Variants in TFCP2L1 observed in about 807,000 individuals in gnomAD.
The protein encoded by TFCP2L1 is transcription factor CP2 like 1.
Under a neutral mutation model 72.2 loss-of-function variants are expected in TFCP2L1, and 12 were observed. That is an observed-to-expected ratio of 0.17 (90% CI 0.11 to 0.27). TFCP2L1 has a LOEUF of 0.27. TFCP2L1 is among the 10% of genes least tolerant of loss of function. The pLI, the probability that TFCP2L1 is intolerant of heterozygous loss-of-function variation, is 1.00. For synonymous variants in TFCP2L1, 260 were observed against 251.0 expected (o/e 1.04, Z -0.34); for missense variants, 488 against 624.6 (o/e 0.78, Z 2.33).
chr2:121,251,413 T>G (rs555601594), intron 2 of TFCP2L1, among the ~76,000 whole-genome samples: 1 of 152,230 alleles, frequency 6.6e-6, no homozygotes, highest in African/African-American at 2.4e-5. Flanking sequence ...TCTGTAGGCT[T>G]GTATGTGTAT....
At chr2:121,245,298 G>A (rs574995411) in intron 6 of TFCP2L1, among the ~76,000 whole-genome samples, 3 of 152,296 alleles carry the variant, frequency 2.0e-5, no homozygotes, top group Admixed American at 6.5e-5. Flanking sequence ...CCAGAGCCTC[G>A]GGAAAGGAAC....
intron 12 of TFCP2L1, among the ~76,000 whole-genome samples, chr2:121,232,220 C>G (rs1042481436): frequency 6.6e-6 from 1 of 152,150 alleles, no homozygotes; most frequent in Admixed American, 6.5e-5. Flanking sequence ...CTCACTGCAA[C>G]CTCCATCTCC....
At chr2:121,282,493 C>A (rs1195364144) in intron 1 of TFCP2L1, among the ~76,000 whole-genome samples, 2 of 147,792 alleles carry the variant, frequency 1.4e-5, no homozygotes, top group Non-Finnish European at 3.0e-5. Context: ...TCAGCCTGGG[C>A]ACCATAGTGA....
rs372521824 is a variant in TFCP2L1, at chr2:121,225,513, C to T, written c.1393+49G>A. 1.4e-5 allele frequency: 22 copies of T among 1,582,400 alleles called. No homozygotes were observed. In the African/African-American group the frequency reaches 2.8e-4, roughly 20 times the overall value. On this transcript the variant is annotated intron_variant, in intron 14 of 14. Transcript: ENST00000263707. ...GGGCCCATCCTGCAGGCAGGCCCCA[C>T]CCTCTCACCTGCCCCCACAACTACC...
intron 13 of TFCP2L1, among the ~76,000 whole-genome samples, chr2:121,228,064 C>G (rs1686066920): frequency 6.6e-6 from 1 of 152,240 alleles, no homozygotes; most frequent in South Asian, 2.1e-4. Flanking sequence ...GGCCAGGCTG[C>G]CTCCAGCACT....
chr2:121,242,494 T>C, intron 6 of TFCP2L1, 25 bp from the exon 7 acceptor site: 2 of 1,611,404 alleles, frequency 1.2e-6, no homozygotes, highest in Non-Finnish European at 1.7e-6. Context: ...CAGAGTCCAA[T>C]CAGCCCAAAA....
At chr2:121,266,526 T>C (rs1255045360) in intron 2 of TFCP2L1, among the ~76,000 whole-genome samples, 1 of 152,222 alleles carries the variant, frequency 6.6e-6, no homozygotes, top group Non-Finnish European at 1.5e-5. Context: ...CTGCTTGGTT[T>C]AGAGGCAGAC....
intron 13 of TFCP2L1, among the ~76,000 whole-genome samples, chr2:121,225,878 G>A (rs542955763): frequency 2.0e-5 from 3 of 149,960 alleles, no homozygotes; most frequent in African/African-American, 7.5e-5. Flanking sequence ...AGGGAACACG[G>A]TAAACACCAC....
chr2:121,232,207 C>T lies in TFCP2L1; in HGVS notation c.1199-239G>A, dbSNP rs12987516. ...AAGCTGGAGTGCAGCAGCGTGATCT[C>T]GGCTCACTGCAACCTCCATCTCCTA... On this transcript the variant is annotated intron_variant, in intron 12 of 14. Transcript: ENST00000263707. 8.8e-3 allele frequency among the ~76,000 whole-genome samples: 1,335 copies of T among 152,046 alleles called. 11 individuals carry two copies. The highest frequency in any genetic ancestry group is 0.017 in the Middle Eastern group (5 of 294).
intron 11 of TFCP2L1, 26 bp downstream of exon 11, chr2:121,235,195 G>A: frequency 6.2e-7 from 1 of 1,613,330 alleles, no homozygotes; most frequent in East Asian, 2.2e-5. Context: ...GCCTCTGGCT[G>A]GCTTCACAGA....
At chr2:121,262,029 C>CT (rs1686837282) in intron 2 of TFCP2L1, among the ~76,000 whole-genome samples, 1 of 152,180 alleles carries the variant, frequency 6.6e-6, no homozygotes, top group African/African-American at 2.4e-5. Flanking sequence ...CAAAATCAAG[C>CT]TTTTGGCCAG....
intron 7 of TFCP2L1, among the ~76,000 whole-genome samples, chr2:121,241,919 T>C (rs995204778): frequency 6.6e-6 from 1 of 151,932 alleles, no homozygotes; most frequent in Non-Finnish European, 1.5e-5. Context: ...GGGGCAAACG[T>C]GTCTACACTG....
intron 2 of TFCP2L1, among the ~76,000 whole-genome samples, chr2:121,254,631 C>G (rs992149386): frequency 6.6e-6 from 1 of 152,114 alleles, no homozygotes; most frequent in Non-Finnish European, 1.5e-5. Flanking sequence ...AACCCTGTCT[C>G]TACTAAAAAC....
chr2:121,241,217 G>A (rs1242027745), intron 7 of TFCP2L1, among the ~76,000 whole-genome samples: 1 of 152,254 alleles, frequency 6.6e-6, no homozygotes, highest in African/African-American at 2.4e-5. Context: ...GAGGAGGTTA[G>A]GTGCAGTGGC....
In TFCP2L1 at chr2:121,234,424, A is replaced by G. The variant is rs556768540; in HGVS notation, c.1095-230T>C. 45 of 538,842 alleles carry G rather than the reference A, an allele frequency of 8.4e-5. No homozygotes were observed. The African/African-American group carries it at 8.4e-4, about 10-fold the overall frequency. The allele number at this position is 538,842 out of a possible 1,614,324, so 33.4% of individuals were successfully genotyped here. A position where few individuals can be genotyped will look rare whatever the true frequency, so the allele number is the denominator to read the frequency against. On this transcript the variant is annotated intron_variant, in intron 11 of 14. Transcript: ENST00000263707. ...CTCAACATACAAGACGTTTTCAGGCAACAATTAGAGCAAACACTGTCTGTG... is the reference window on the plus strand; with the variant it reads ...CTCAACATACAAGACGTTTTCAGGCGACAATTAGAGCAAACACTGTCTGTG...
intron 2 of TFCP2L1, among the ~76,000 whole-genome samples, chr2:121,260,776 T>C (rs1013347722): frequency 6.6e-6 from 1 of 152,176 alleles, no homozygotes; most frequent in African/African-American, 2.4e-5. Context: ...CAGAGCAGCA[T>C]GGAAAGCCAG....
chr2:121,285,189 C>A lies in TFCP2L1; in HGVS notation c.-80G>T. The A allele has an allele frequency of 2.4e-6, 3 of 1,265,900 alleles. No individual in the cohort carries two copies. Among genetic ancestry groups the A allele is most frequent in the Non-Finnish European group, 3.0e-6 (3 of 991,202 alleles). 78.4% of individuals were successfully genotyped at this position (1,265,900 alleles called of 1,614,324 possible). A position where few individuals can be genotyped will look rare whatever the true frequency, so the allele number is the denominator to read the frequency against. On this transcript the variant is annotated 5_prime_UTR_variant, in exon 1 of 15. Coordinates refer to ENST00000263707, the MANE Select transcript of TFCP2L1 (RefSeq NM_014553.3). ...CGCGCCGAGGACCCAGCGGCGGCTT[C>A]GCGCTCCGAACCCGCGGTGCCGGCC...
At position 121,237,737 on chromosome 2, in the gene TFCP2L1, C is replaced by A. The variant is rs779057550; in HGVS notation, c.910-21G>T. ...AGGTGCTGTGAGCAGAGGGGAGAGGCCTTGAGATGGTGGCTCAGGGCCCAC... is the reference window on the plus strand; with the variant it reads ...AGGTGCTGTGAGCAGAGGGGAGAGGACTTGAGATGGTGGCTCAGGGCCCAC... On this transcript the variant is annotated intron_variant, in intron 9 of 14. Transcript: ENST00000263707. 5.0e-5 allele frequency: 81 copies of A among 1,613,848 alleles called. 1 individual carries two copies. The South Asian group carries it at 7.5e-4, about 15-fold the overall frequency.
rs777311074 is a variant in TFCP2L1 at position 121,234,141 on chromosome 2, C to T, written c.1148G>A (p.Arg383Gln). The T allele has an allele frequency of 1.9e-5, 30 of 1,614,130 alleles. No individual in the cohort carries two copies. Among genetic ancestry groups the T allele is most frequent in the Admixed American group, 5.0e-5 (3 of 60,022 alleles). The change falls in exon 12 of 15, where the codon CGA (arginine) becomes CAA (glutamine). Residue 383 changes from arginine (R) to glutamine (Q), a missense_variant. By Grantham distance (43) the Arg-to-Gln change is conservative. Around this residue, in one of 3 missense-constraint regions of TFCP2L1, gnomAD observed 286 missense variants for 329.0 expected, o/e 0.87. Coordinates refer to ENST00000263707, the MANE Select transcript of TFCP2L1 (RefSeq NM_014553.3). ...IYVCQELEQN[R>Q]VPLQQKRDGS... ...GTCCCGCTTCTGCTGCAGGGGCACT[C>T]GATTCTGCTCCAGCTCCTGACAGAC...
Sources: allele counts gnomAD v4.1 joint callset (sites outside exome capture counted in the v4.1 genomes callset), GRCh38; gene constraint gnomAD v4.1.1; regional missense constraint gnomAD v4.1.1; transcripts MANE v1.5; gene names NCBI Gene and HGNC (gene_info 2026-07-23, HGNC 2026-07-21).